Variants in RXFP1 observed in about 807,000 individuals in gnomAD.
RXFP1 encodes relaxin family peptide receptor 1, also known as relaxin receptor 1.
In RXFP1, 73 loss-of-function variants were observed where a neutral mutation model predicts 89.8. The ratio of observed to expected loss-of-function variants is 0.81; its 90% CI spans 0.67 to 0.99. The LOEUF (loss-of-function observed/expected upper bound fraction) is 0.99. Among genes scored for constraint, RXFP1 ranks in the 50% least tolerant of loss-of-function variants. The pLI is 0.00. For synonymous variants in RXFP1, 277 were observed against 305.5 expected, an observed-to-expected ratio of 0.91 and a Z score of 0.97; for missense variants, 793 against 895.5, an observed-to-expected ratio of 0.89 and a Z score of 1.46.
intron 11 of RXFP1, 59 bp from the exon 12 acceptor site, chr4:158,633,346 C>A: frequency 8.9e-7 from 1 of 1,120,446 alleles, no homozygotes; most frequent in Non-Finnish European, 1.4e-6. Flanking sequence ...TAATGAATTT[C>A]AGAACAATGA....
At position 158,574,418 on chromosome 4, in the gene RXFP1, G is replaced by A. The variant is rs183491801; in HGVS notation, c.187+1583G>A. ...GAAAAAAATCAGCTAGGTCACACAA[G>A]CAGACCTTAACTGAGCTAATTTCTT... On this transcript the variant is annotated intron_variant, in intron 2 of 17. Coordinates refer to ENST00000307765, the MANE Select transcript of RXFP1 (RefSeq NM_021634.4). Among the ~76,000 whole-genome samples, 138 of 152,076 alleles carry A rather than the reference G, an allele frequency of 9.1e-4. No individual in the cohort carries two copies. In the East Asian group the frequency reaches 0.01, roughly 11 times the overall value.
At chr4:158,539,931 T>G (rs1405218287) in intron 1 of RXFP1, among the ~76,000 whole-genome samples, 1 of 152,160 alleles carries the variant, frequency 6.6e-6, no homozygotes, top group Non-Finnish European at 1.5e-5. Flanking sequence ...TACCTTAACC[T>G]GGAAGTTAAG....
At chr4:158,529,025 C>G (rs1349579141) in intron 1 of RXFP1, among the ~76,000 whole-genome samples, 1 of 152,176 alleles carries the variant, frequency 6.6e-6, no homozygotes, top group Non-Finnish European at 1.5e-5. Context: ...CTTCCCTCTC[C>G]CCACCCCAGC....
chr4:158,651,157 A>G (rs920329740), intron 17 of RXFP1, among the ~76,000 whole-genome samples: 1 of 152,136 alleles, frequency 6.6e-6, no homozygotes, highest in African/African-American at 2.4e-5. Context: ...GAGTAATGAC[A>G]GCATCAATTA....
chr4:158,573,517 C>T (rs1181475147), intron 2 of RXFP1, among the ~76,000 whole-genome samples: 1 of 151,914 alleles, frequency 6.6e-6, no homozygotes, highest in Non-Finnish European at 1.5e-5. Flanking sequence ...TTAAGCTCAT[C>T]AGCTATCATT....
intron 9 of RXFP1, among the ~76,000 whole-genome samples, chr4:158,619,424 G>A (rs1765186968): frequency 1.3e-5 from 2 of 152,306 alleles, no homozygotes; most frequent in South Asian, 4.1e-4. Flanking sequence ...TTCACCTTTG[G>A]CAGAGCACAG....
intron 1 of RXFP1, among the ~76,000 whole-genome samples, chr4:158,524,621 A>C (rs1383418384): frequency 6.6e-6 from 1 of 152,172 alleles, no homozygotes; most frequent in Non-Finnish European, 1.5e-5. Flanking sequence ...GTATTGTGCC[A>C]ATGTTAATTT....
At chr4:158,582,448 G>A (rs999871351) in intron 2 of RXFP1, among the ~76,000 whole-genome samples, 3 of 152,076 alleles carry the variant, frequency 2.0e-5, no homozygotes, top group Non-Finnish European at 4.4e-5. Flanking sequence ...CCCCTCAGAT[G>A]TGCATAAATC....
intron 4 of RXFP1, among the ~76,000 whole-genome samples, chr4:158,601,029 A>G (rs1367324858): frequency 6.6e-6 from 1 of 152,136 alleles, no homozygotes. Context: ...AAGAACAGAG[A>G]GAGAAAGCTG....
intron 1 of RXFP1, among the ~76,000 whole-genome samples, chr4:158,542,914 A>G (rs1373534095): frequency 6.6e-6 from 1 of 152,218 alleles, no homozygotes; most frequent in African/African-American, 2.4e-5. Context: ...CATAAAGTCC[A>G]TATGGACAGT....
chr4:158,589,470 A>C (rs1758971115), intron 2 of RXFP1, among the ~76,000 whole-genome samples: 1 of 152,180 alleles, frequency 6.6e-6, no homozygotes, highest in Non-Finnish European at 1.5e-5. Context: ...TGTGTTCTGC[A>C]GCATGCTGGG....
chr4:158,602,593 C>T (rs1761887117), intron 4 of RXFP1, among the ~76,000 whole-genome samples: 1 of 151,834 alleles, frequency 6.6e-6, no homozygotes, highest in Non-Finnish European at 1.5e-5. Context: ...GCCTCATTAG[C>T]CCCGGGCTGT....
At chr4:158,551,620 A>C (rs1350176406) in intron 1 of RXFP1, among the ~76,000 whole-genome samples, 1 of 152,206 alleles carries the variant, frequency 6.6e-6, no homozygotes, top group African/African-American at 2.4e-5. Flanking sequence ...AAATATGTAC[A>C]ACTTTTATTT....
At chr4:158,550,988 A>G (rs1318496661) in intron 1 of RXFP1, among the ~76,000 whole-genome samples, 2 of 152,220 alleles carry the variant, frequency 1.3e-5, no homozygotes, top group Admixed American at 6.5e-5. Flanking sequence ...ATGAAGAAAA[A>G]AAAAAGCAAC....
intron 1 of RXFP1, among the ~76,000 whole-genome samples, chr4:158,560,517 G>T (rs939231634): frequency 6.6e-6 from 1 of 152,172 alleles, no homozygotes; most frequent in Non-Finnish European, 1.5e-5. Context: ...GTTTCTCGAT[G>T]TATCAGTTAG....
chr4:158,554,700 A>T (rs1458300432), intron 1 of RXFP1, among the ~76,000 whole-genome samples: 1 of 151,858 alleles, frequency 6.6e-6, no homozygotes, highest in African/African-American at 2.4e-5. Flanking sequence ...CACACTTTTG[A>T]GACTGGGGGC....
intron 1 of RXFP1, among the ~76,000 whole-genome samples, chr4:158,548,160 A>G (rs1749036871): frequency 6.6e-6 from 1 of 152,198 alleles, no homozygotes; most frequent in African/African-American, 2.4e-5. Context: ...TATATTTAGG[A>G]TAGTTAGCTC....
At chr4:158,535,737 G>C (rs563162065) in intron 1 of RXFP1, among the ~76,000 whole-genome samples, 1 of 152,366 alleles carries the variant, frequency 6.6e-6, no homozygotes, top group South Asian at 2.1e-4. Flanking sequence ...ACACACTACA[G>C]AATGTTTGTT....
intron 14 of RXFP1, among the ~76,000 whole-genome samples, chr4:158,642,536 A>G (rs933418970): frequency 6.6e-6 from 1 of 152,140 alleles, no homozygotes; most frequent in African/African-American, 2.4e-5. Context: ...TGAGAACATG[A>G]GGTGTTTAAC....
Sources: allele counts gnomAD v4.1 joint callset (sites outside exome capture counted in the v4.1 genomes callset), GRCh38; gene constraint gnomAD v4.1.1; transcripts MANE v1.5; gene names NCBI Gene and HGNC (gene_info 2026-07-23, HGNC 2026-07-21).